Variants in EIF2AK1 observed in about 807,000 individuals in gnomAD.
The protein encoded by EIF2AK1 is eukaryotic translation initiation factor 2-alpha kinase 1.
In EIF2AK1, 54 loss-of-function variants were observed where a neutral mutation model predicts 77.9. That is an observed-to-expected ratio of 0.69 (90% CI 0.56 to 0.87). EIF2AK1 has a LOEUF of 0.87. Ranked by LOEUF, EIF2AK1 falls within the 40% of genes least tolerant of loss-of-function variation. The pLI is 0.00. For missense variants in EIF2AK1, 810 were observed against 768.6 expected, an observed-to-expected ratio of 1.05 and a Z score of -0.64; for synonymous variants, 314 against 290.5, an observed-to-expected ratio of 1.08 and a Z score of -0.82.
Position 6,044,577 on chromosome 7 carries a change from C to CATG in EIF2AK1, c.712_714dup (p.His238dup). The CATG allele has an allele frequency of 1.2e-6, 2 of 1,613,540 alleles. No homozygotes were observed. Among genetic ancestry groups the CATG allele is most frequent in the Non-Finnish European group, 1.7e-6 (2 of 1,179,590 alleles). On this transcript the variant is annotated inframe_insertion, in exon 7 of 15. Coordinates refer to ENST00000199389, the MANE Select transcript of EIF2AK1 (RefSeq NM_014413.4). Reference sequence around the variant, plus strand: ...AACGGCTTACCTCGTGGCTGAATCACATGAACATGTTCTATCCACGCGGTG... The same window carrying CATG: ...AACGGCTTACCTCGTGGCTGAATCACATGATGAACATGTTCTATCCACGCGGTG...
chr7:6,057,749 AGCCTC>A (rs1788827034), intron 1 of EIF2AK1: 1 of 163,226 alleles, frequency 6.1e-6, no homozygotes, highest in Admixed American at 6.2e-5. Context: ...CTCCTGCCTC[AGCCTC>A]GAAAGTAGCT....
At position 6,054,108 on chromosome 7, in the gene EIF2AK1, C is replaced by T. The variant is rs938484540; in HGVS notation, c.277+438G>A. Among the ~76,000 whole-genome samples the T allele has an allele frequency of 2.0e-5, 3 of 151,974 alleles. No individual in the cohort carries two copies. The South Asian group carries it at 6.2e-4, about 32-fold the overall frequency. ...AACCATCCTCCACTATCCTCCCAGC[C>T]TCTGGGAACCATCATTCTACTCTAT... On this transcript the variant is annotated intron_variant, in intron 2 of 14. Coordinates refer to ENST00000199389, the MANE Select transcript of EIF2AK1 (RefSeq NM_014413.4).
intron 7 of EIF2AK1, 141 bp downstream of exon 7, chr7:6,044,421 G>A (rs1297178261): frequency 6.2e-6 from 4 of 642,388 alleles, no homozygotes; most frequent in Non-Finnish European, 1.0e-5. Flanking sequence ...CTGGGCGACA[G>A]AGTGAGACTC....
At chr7:6,056,843 C>A (rs1221878662) in intron 1 of EIF2AK1, among the ~76,000 whole-genome samples, 1 of 151,546 alleles carries the variant, frequency 6.6e-6, no homozygotes, top group African/African-American at 2.4e-5. Context: ...TTTCCTATGA[C>A]ATAACACTTT....
intron 6 of EIF2AK1, among the ~76,000 whole-genome samples, chr7:6,045,097 A>C (rs2096905382): frequency 1.3e-5 from 2 of 152,016 alleles, no homozygotes; most frequent in Non-Finnish European, 2.9e-5. Flanking sequence ...ACACTATGTT[A>C]AAATAATAGA....
At chr7:6,030,869 C>T (rs138895672) in intron 11 of EIF2AK1, among the ~76,000 whole-genome samples, 138 of 152,260 alleles carry the variant, frequency 9.1e-4, no homozygotes, top group African/African-American at 3.3e-3. Context: ...ATAGATCACA[C>T]TAAATGGCTT....
intron 10 of EIF2AK1, 132 bp from the exon 11 acceptor site, chr7:6,037,656 T>C: frequency 3.0e-6 from 2 of 672,906 alleles, no homozygotes; most frequent in Middle Eastern, 3.6e-4. Flanking sequence ...ACAAAGTCAA[T>C]GCTGCAGAAT....
At chr7:6,044,480 C>T in intron 7 of EIF2AK1, 82 bp downstream of exon 7, 2 of 1,192,036 alleles carry the variant, frequency 1.7e-6, no homozygotes, top group South Asian at 1.4e-5. Flanking sequence ...GTGGTATGTA[C>T]AAAAACAAAG....
chr7:6,030,472 G>C (rs1001223422), intron 11 of EIF2AK1, among the ~76,000 whole-genome samples: 1 of 152,104 alleles, frequency 6.6e-6, no homozygotes, highest in South Asian at 2.1e-4. Context: ...GGGTTTGGAC[G>C]GGTGAGCATG....
chr7:6,058,940 G>C, intron 1 of EIF2AK1, 26 bp downstream of exon 1: 5 of 1,500,504 alleles, frequency 3.3e-6, no homozygotes, highest in Non-Finnish European at 4.5e-6. Context: ...AGAGCAGAGC[G>C]GCGACGCCGC....
Position 6,036,266 on chromosome 7 carries a change from C to T in EIF2AK1, c.1332+1158G>A. The T allele has an allele frequency of 6.5e-7, 1 of 1,549,964 alleles. No homozygotes were observed. Reference sequence around the variant, plus strand: ...AAAAACCTTTATCCCTACAGGGTATCTGCAAAAGAAACATCAGGAATATTT... The same window carrying T: ...AAAAACCTTTATCCCTACAGGGTATTTGCAAAAGAAACATCAGGAATATTT... On this transcript the variant is annotated intron_variant, in intron 11 of 14. Coordinates refer to ENST00000199389, the MANE Select transcript of EIF2AK1 (RefSeq NM_014413.4). The surrounding 1 kb of genome is among the most constrained non-coding windows in gnomAD (Gnocchi z 4.6).
At position 6,027,503 on chromosome 7, in the gene EIF2AK1, A is replaced by G. The variant is rs545073920; in HGVS notation, c.1531-542T>C. ...TTCTGACAGCTCTTTCCTAATCACT[A>G]AAAAGCTCAATGCGCCATCAAAAGG... On this transcript the variant is annotated intron_variant, in intron 13 of 14. Transcript: ENST00000199389. The surrounding 1 kb of genome is among the most constrained non-coding windows in gnomAD (Gnocchi z 4.5). Among the ~76,000 whole-genome samples, 3 of 152,276 alleles carry G rather than the reference A, an allele frequency of 2.0e-5. No homozygotes were observed. The highest frequency in any genetic ancestry group is 1.3e-4 in the Admixed American group (2 of 15,282).
At chr7:6,031,304 GA>G in intron 11 of EIF2AK1, 1 of 1,381,540 alleles carries the variant, frequency 7.2e-7, no homozygotes, top group Non-Finnish European at 1.0e-6. Context: ...TGAACTGAAA[GA>G]ATCATCACAA....
chr7:6,024,174 G>A lies in EIF2AK1; in HGVS notation c.*499C>T. 1 of 1,270,950 alleles carries A rather than the reference G, an allele frequency of 7.9e-7. No individual in the cohort carries two copies. The highest frequency in any genetic ancestry group is 1.0e-6 in the Non-Finnish European group (1 of 978,504). The allele number at this position is 1,270,950 out of a possible 1,614,324, so 78.7% of individuals were successfully genotyped here. On this transcript the variant is annotated 3_prime_UTR_variant, in exon 15 of 15. Transcript: ENST00000199389. ...GTTGCACACTGTACACTGTTAAGAA[G>A]TTGAGCTTTTATCTTAGAGGCAGCA...
intron 2 of EIF2AK1, among the ~76,000 whole-genome samples, chr7:6,053,424 C>G (rs534555785): frequency 6.6e-6 from 1 of 152,056 alleles, no homozygotes; most frequent in South Asian, 2.1e-4. Context: ...TGCAATGGCG[C>G]GATCTCAGCT....
Position 6,059,123 on chromosome 7 carries a change from G to A in EIF2AK1, c.-40C>T, listed in dbSNP as rs1488166446. On this transcript the variant is annotated 5_prime_UTR_variant, in exon 1 of 15. Coordinates refer to ENST00000199389, the MANE Select transcript of EIF2AK1 (RefSeq NM_014413.4). Reference sequence around the variant, plus strand: ...GGGCCGCAGCCCAGCCCGCCGGCCAGCCCAGCACTGCCACACTCCGATGCT... The same window carrying A: ...GGGCCGCAGCCCAGCCCGCCGGCCAACCCAGCACTGCCACACTCCGATGCT... The A allele has an allele frequency of 3.2e-6, 4 of 1,259,658 alleles. No individual in the cohort carries two copies. The highest frequency in any genetic ancestry group is 4.1e-5 in the Admixed American group (1 of 24,158). The allele number at this position is 1,259,658 out of a possible 1,614,324, so 78.0% of individuals were successfully genotyped here.
At chr7:6,053,289 G>A (rs1218009640) in intron 2 of EIF2AK1, among the ~76,000 whole-genome samples, 2 of 152,058 alleles carry the variant, frequency 1.3e-5, no homozygotes, top group African/African-American at 4.8e-5. Flanking sequence ...AATCACATCA[G>A]GATAAATGGG....
chr7:6,051,288 T>G (rs1318156250), intron 2 of EIF2AK1, among the ~76,000 whole-genome samples: 1 of 151,382 alleles, frequency 6.6e-6, no homozygotes, highest in Non-Finnish European at 1.5e-5. Context: ...TTTTTTTTTT[T>G]TGAGACAGAC....
intron 8 of EIF2AK1, among the ~76,000 whole-genome samples, chr7:6,041,686 C>A (rs1295619311): frequency 6.6e-6 from 1 of 151,720 alleles, no homozygotes; most frequent in African/African-American, 2.4e-5. Flanking sequence ...CTAAAAAATA[C>A]AAAAATTGGC....
Sources: gnomAD v4.1 joint callset for allele counts (sites outside exome capture counted in the v4.1 genomes callset) on GRCh38, gnomAD v4.1.1 for gene constraint, Gnocchi (gnomAD v3.1) non-coding constraint, MANE v1.5 for transcripts, NCBI Gene and HGNC (gene_info 2026-07-23, HGNC 2026-07-21) for gene names.